CFAP52: variants seen among roughly 807,000 people sequenced by gnomAD.
CFAP52 encodes the protein cilia- and flagella-associated protein 52.
A neutral mutation model predicts 70.5 loss-of-function variants in CFAP52; 57 were observed. The ratio of observed to expected loss-of-function variants is 0.81; its 90% CI spans 0.65 to 1.01. The LOEUF (loss-of-function observed/expected upper bound fraction) is 1.01, where lower values mean the gene tolerates loss of function less well. CFAP52 is among the 50% of genes least tolerant of loss of function. The probability of loss-of-function intolerance (pLI) is 0.00; values close to 1 mark genes in which losing one functional copy is unlikely to be tolerated. For missense variants in CFAP52, 785 were observed against 788.5 expected (o/e 1.00, Z 0.05); for synonymous variants, 267 against 292.5 (o/e 0.91, Z 0.89).
At position 9,600,200 on chromosome 17, in the gene CFAP52, G is replaced by T; in HGVS notation, c.753+17G>T. 1.3e-6 allele frequency: 2 copies of T among 1,598,452 alleles called. No individual in the cohort carries two copies. The highest frequency in any genetic ancestry group is 1.7e-6 in the Non-Finnish European group (2 of 1,166,886). On this transcript the variant is annotated intron_variant, in intron 6 of 13. Coordinates refer to ENST00000352665, the MANE Select transcript of CFAP52 (RefSeq NM_145054.5). ...TTCAGTTTGGTGAGTAGAGACCATC[G>T]CCACTGCCCTGCCATTTTTCTCCCT...
At chr17:9,609,460 C>T (rs770941718) in intron 7 of CFAP52, among the ~76,000 whole-genome samples, 5 of 152,038 alleles carry the variant, frequency 3.3e-5, no homozygotes, top group Non-Finnish European at 7.4e-5. Flanking sequence ...TTTGGGAGGT[C>T]GAGGCAAGTG....
At chr17:9,589,732 CAA>C (rs33978485) in intron 3 of CFAP52, among the ~76,000 whole-genome samples, 119,762 of 128,002 alleles carry the variant, frequency 0.94, 56,080 homozygotes, top group East Asian at 0.99. Context: ...GACTCCGTCT[CAA>C]AAAAAAAAAA....
chr17:9,585,623 G>A, intron 1 of CFAP52, 150 bp from the exon 2 acceptor site: 1 of 779,620 alleles, frequency 1.3e-6, no homozygotes, highest in Non-Finnish European at 2.1e-6. Flanking sequence ...GTGAGCCCAA[G>A]ACTGCACCAT....
chr17:9,630,652 G>C (rs1296437759), intron 9 of CFAP52, among the ~76,000 whole-genome samples: 3 of 150,600 alleles, frequency 2.0e-5, no homozygotes, highest in Non-Finnish European at 4.4e-5. Flanking sequence ...GGATGGTCTG[G>C]ATCTCCTGAC....
At chr17:9,591,367 T>A (rs868101391) in intron 3 of CFAP52, among the ~76,000 whole-genome samples, 1 of 152,134 alleles carries the variant, frequency 6.6e-6, no homozygotes, top group African/African-American at 2.4e-5. Flanking sequence ...TTGTAACCTA[T>A]TTATGAAACT....
At chr17:9,577,380 G>C (rs1908008874) in intron 1 of CFAP52, among the ~76,000 whole-genome samples, 1 of 152,174 alleles carries the variant, frequency 6.6e-6, no homozygotes, top group African/African-American at 2.4e-5. Context: ...AAAAGGGACT[G>C]GGCCGCTCCG....
chr17:9,631,040 G>GAAAGAAAGAAAGAAAGAA (rs1555544268), intron 9 of CFAP52, among the ~76,000 whole-genome samples: 2 of 37,846 alleles, frequency 5.3e-5, no homozygotes. Context: ...GAGAGAGAGA[G>GAAAGAAAGAAAGAAAGAA]AGAGAGAGAG....
At chr17:9,616,128 G>T (rs1320137069) in intron 8 of CFAP52, among the ~76,000 whole-genome samples, 1 of 149,902 alleles carries the variant, frequency 6.7e-6, no homozygotes, top group African/African-American at 2.5e-5. Flanking sequence ...GTGGGCGCAG[G>T]CCAGTGTGTG....
chr17:9,600,025 G>C, intron 5 of CFAP52, 42 bp from the exon 6 acceptor site: 1 of 1,575,884 alleles, frequency 6.3e-7, no homozygotes, highest in Non-Finnish European at 8.7e-7. Flanking sequence ...ACAGGCGTGA[G>C]CCACCGAGGC....
intron 7 of CFAP52, 55 bp from the exon 8 acceptor site, chr17:9,612,254 C>G: frequency 6.3e-7 from 1 of 1,585,350 alleles, no homozygotes; most frequent in Non-Finnish European, 8.6e-7. Context: ...TCACATGATT[C>G]GTAACTACTT....
chr17:9,576,924 C>G (rs906350639), intron 1 of CFAP52, among the ~76,000 whole-genome samples, 159 bp downstream of exon 1: 3 of 152,230 alleles, frequency 2.0e-5, no homozygotes, highest in African/African-American at 7.2e-5. Flanking sequence ...CACAGCCTGA[C>G]CTGCCCCAAG....
intron 6 of CFAP52, among the ~76,000 whole-genome samples, chr17:9,601,774 C>T (rs1909281379): frequency 6.6e-6 from 1 of 152,296 alleles, no homozygotes; most frequent in Non-Finnish European, 1.5e-5. Context: ...ATTTCCAGCA[C>T]CCCAGTAACT....
chr17:9,643,053 A>G lies in CFAP52; in HGVS notation c.1718A>G (p.Asp573Gly). The G allele has an allele frequency of 6.2e-7, 1 of 1,609,728 alleles. No homozygotes were observed. Among genetic ancestry groups the G allele is most frequent in the East Asian group, 2.2e-5 (1 of 44,738 alleles). Reference protein sequence around the residue: ...GGNDHLVKVWDYNEGEVTHVG... With the variant: ...GGNDHLVKVWGYNEGEVTHVG... ...AATGACCATCTGGTCAAAGTTTGGG[A>G]TTATAATGAGGGTGAAGTGACTCAC... The change falls in exon 14 of 14, where the codon GAT becomes GGT. Residue 573 changes from aspartate to glycine, a missense_variant. Physicochemically the swap from Asp to Gly is moderately conservative, Grantham distance 94. Transcript: ENST00000352665.
intron 12 of CFAP52, among the ~76,000 whole-genome samples, chr17:9,640,395 C>T (rs376352644): frequency 6.6e-6 from 1 of 151,556 alleles, no homozygotes; most frequent in African/African-American, 2.4e-5. Flanking sequence ...TTCCTCCCCC[C>T]ACCCACCACC....
At chr17:9,610,069 C>A (rs990654166) in intron 7 of CFAP52, among the ~76,000 whole-genome samples, 5 of 151,862 alleles carry the variant, frequency 3.3e-5, no homozygotes, top group African/African-American at 9.7e-5. Context: ...TACAACCGAA[C>A]CTGAATCCTA....
chr17:9,582,791 T>C (rs756848777), intron 1 of CFAP52, among the ~76,000 whole-genome samples: 1 of 152,130 alleles, frequency 6.6e-6, no homozygotes, highest in African/African-American at 2.4e-5. Context: ...TGTCCACCAC[T>C]ACGCCCAGCT....
chr17:9,590,734 T>C (rs1908709079), intron 3 of CFAP52, among the ~76,000 whole-genome samples: 1 of 152,162 alleles, frequency 6.6e-6, no homozygotes, highest in Non-Finnish European at 1.5e-5. Flanking sequence ...ACTGTTAATC[T>C]CTGCTGTAAT....
intron 2 of CFAP52, 33 bp downstream of exon 2, chr17:9,586,005 T>C (rs754679466): frequency 8.7e-6 from 14 of 1,607,150 alleles, no homozygotes; most frequent in Non-Finnish European, 8.5e-6. Context: ...ATTGTCAATT[T>C]ATCTAGAGGT....
chr17:9,576,660 T>G lies in CFAP52; in HGVS notation c.-36T>G. Reference sequence around the variant, plus strand: ...AACGACCAGAAGACGCTGCAGCCACTAGGGAGGAGAGCAAAGTAATCAGAA... The same window carrying G: ...AACGACCAGAAGACGCTGCAGCCACGAGGGAGGAGAGCAAAGTAATCAGAA... On this transcript the variant is annotated 5_prime_UTR_variant, in exon 1 of 14. Transcript: ENST00000352665. 2 of 1,582,382 alleles carry G rather than the reference T, an allele frequency of 1.3e-6. No homozygotes were observed. Among genetic ancestry groups the G allele is most frequent in the Non-Finnish European group, 1.7e-6 (2 of 1,159,866 alleles).
Sources: gnomAD v4.1 joint callset for allele counts (sites outside exome capture counted in the v4.1 genomes callset) on GRCh38, gnomAD v4.1.1 for gene constraint, MANE v1.5 for transcripts, NCBI Gene and HGNC (gene_info 2026-07-23, HGNC 2026-07-21) for gene names.